ADD1: variants seen among roughly 807,000 people sequenced by gnomAD.
ADD1 encodes the protein alpha-adducin.
ADD1 carries 24 observed loss-of-function variants against 80.5 expected under a neutral mutation model. That is an observed-to-expected ratio of 0.30 (90% confidence interval 0.22 to 0.42). ADD1 has a LOEUF of 0.42. ADD1 is among the 10% of genes least tolerant of loss of function. The probability of loss-of-function intolerance (pLI) is 1.00; values close to 1 mark genes in which losing one functional copy is unlikely to be tolerated. For synonymous variants in ADD1, 373 were observed against 393.8 expected (o/e 0.95, Z 0.63); for missense variants, 948 against 1,019.0 (o/e 0.93, Z 0.95).
intron 9 of ADD1, 179 bp downstream of exon 9, chr4:2,899,614 G>A: frequency 1.4e-6 from 1 of 707,222 alleles, no homozygotes; most frequent in South Asian, 1.7e-5. Flanking sequence ...AAAATGTAGA[G>A]GTGAAGGATT....
chr4:2,844,785 G>A (rs1725922871), intron 1 of ADD1: 1 of 152,210 alleles, frequency 6.6e-6, no homozygotes, highest in African/African-American at 2.4e-5. Context: ...AAAAGCAATT[G>A]TCATATCTCC....
At chr4:2,922,586 G>A (rs1228159174) in intron 14 of ADD1, among the ~76,000 whole-genome samples, 3 of 152,226 alleles carry the variant, frequency 2.0e-5, no homozygotes, top group Admixed American at 2.0e-4. Context: ...CCCCTGCCGG[G>A]AGGTGTCTCC....
At chr4:2,868,879 A>G (rs1222001606) in intron 1 of ADD1, among the ~76,000 whole-genome samples, 1 of 152,168 alleles carries the variant, frequency 6.6e-6, no homozygotes, top group Admixed American at 6.5e-5. Flanking sequence ...CGAGTTGGAT[A>G]TTGAGAATGA....
intron 8 of ADD1, 78 bp from the exon 9 acceptor site, chr4:2,899,181 C>A (rs1325547295): frequency 6.9e-7 from 1 of 1,438,852 alleles, no homozygotes; most frequent in East Asian, 2.3e-5. Context: ...CTTTTGAAAC[C>A]TACATTTTTA....
rs953850915 is a variant in ADD1, at chr4:2,907,570, A to C, written c.1507-173A>C. ...CATTAACTGGTCTTTATGTGGCTGC[A>C]TCCTGCTCCCATGGCGACTCTGCTG... is the stretch of plus-strand genomic sequence containing the variant. On this transcript the variant is annotated intron_variant, in intron 10 of 15. Transcript: ENST00000683351. 5.0e-6 allele frequency: 3 copies of C among 595,752 alleles called. No individual in the cohort carries two copies. The East Asian group carries it at 8.7e-5, about 17-fold the overall frequency. The allele number at this position is 595,752 out of a possible 1,614,324, so 36.9% of individuals were successfully genotyped here. A position where few individuals can be genotyped will look rare whatever the true frequency, so the allele number is the denominator to read the frequency against.
Position 2,905,040 on chromosome 4 carries a change from C to G in ADD1, c.1438C>G (p.His480Asp). ...GGTGTGGACGAACATTACACACGATCACGTGAAACCCTTGCTGCAGTCTCT... is the reference window on the plus strand; with the variant it reads ...GGTGTGGACGAACATTACACACGATGACGTGAAACCCTTGCTGCAGTCTCT... ...TKVWTNITHD[H>D]VKPLLQSLSS... Residue 480 changes from histidine to aspartate, a missense_variant, in exon 10 of 16, where the codon CAC (histidine) becomes GAC (aspartate). Transcript: ENST00000683351. The G allele has an allele frequency of 6.2e-7, 1 of 1,614,206 alleles. No homozygotes were observed. The highest frequency in any genetic ancestry group is 1.3e-5 in the African/African-American group (1 of 75,044).
intron 1 of ADD1, among the ~76,000 whole-genome samples, chr4:2,871,492 T>G (rs1321035951): frequency 4.6e-5 from 7 of 152,232 alleles, no homozygotes; most frequent in Admixed American, 4.6e-4. Context: ...TAGCTGTTCA[T>G]CCTGATCTTA....
At chr4:2,913,033 A>T (rs1266533313) in intron 13 of ADD1, among the ~76,000 whole-genome samples, 1 of 151,874 alleles carries the variant, frequency 6.6e-6, no homozygotes, top group African/African-American at 2.4e-5. Context: ...TTTTTAGTAG[A>T]GACAGGTTTT....
intron 1 of ADD1, among the ~76,000 whole-genome samples, chr4:2,869,198 A>T (rs1483586775): frequency 6.6e-6 from 1 of 152,162 alleles, no homozygotes; most frequent in African/African-American, 2.4e-5. Flanking sequence ...CCAGGGGCTT[A>T]AACAACAGTA....
chr4:2,905,192 C>A (rs927451015), intron 10 of ADD1, 84 bp downstream of exon 10: 2 of 1,328,448 alleles, frequency 1.5e-6, no homozygotes, highest in Admixed American at 1.9e-5. Context: ...GGAATCCAGC[C>A]TTTCTGACCC....
chr4:2,875,994 C>A lies in ADD1; in HGVS notation c.79C>A (p.Arg27=). Residue 27 remains arginine, a synonymous_variant, in exon 2 of 16, where the codon CGA becomes AGA. Transcript: ENST00000683351. ...CCCTCACAAGGAGAGGTACTTCGAC[C>A]GAGTAGATGAGAACAACCCAGAGTA... The part of the protein sequence containing the change: ...TAPHKERYFD[R]VDENNPEYLR... The A allele has an allele frequency of 6.2e-7, 1 of 1,613,886 alleles. No individual in the cohort carries two copies. Among genetic ancestry groups the A allele is most frequent in the South Asian group, 1.1e-5 (1 of 91,030 alleles).
chr4:2,865,721 A>G (rs1729448188), intron 1 of ADD1, among the ~76,000 whole-genome samples: 1 of 152,180 alleles, frequency 6.6e-6, no homozygotes, highest in East Asian at 1.9e-4. Flanking sequence ...CTCAAACCTT[A>G]CTTAGCAAAC....
In ADD1 at chr4:2,905,040, C is replaced by T; in HGVS notation, c.1438C>T (p.His480Tyr). The T allele has an allele frequency of 6.2e-7, 1 of 1,614,206 alleles. No individual in the cohort carries two copies. The highest frequency in any genetic ancestry group is 8.5e-7 in the Non-Finnish European group (1 of 1,180,042). The change falls in exon 10 of 16, where the codon CAC (histidine) becomes TAC (tyrosine). Residue 480 changes from histidine (H) to tyrosine (Y), a missense_variant. By Grantham distance (83) the His-to-Tyr change is moderately conservative. Transcript: ENST00000683351. ...TKVWTNITHD[H>Y]VKPLLQSLSS... Reference sequence around the variant, plus strand: ...GGTGTGGACGAACATTACACACGATCACGTGAAACCCTTGCTGCAGTCTCT... The same window carrying T: ...GGTGTGGACGAACATTACACACGATTACGTGAAACCCTTGCTGCAGTCTCT...
intron 6 of ADD1, among the ~76,000 whole-genome samples, chr4:2,896,089 G>C (rs1011992738): frequency 6.6e-6 from 1 of 151,668 alleles, no homozygotes; most frequent in Non-Finnish European, 1.5e-5. Context: ...GGGTTTCACC[G>C]TGTTAGCCAG....
chr4:2,883,733 G>A (rs1188012161), intron 3 of ADD1, among the ~76,000 whole-genome samples: 3 of 151,496 alleles, frequency 2.0e-5, no homozygotes, highest in Admixed American at 2.0e-4. Context: ...GTGCAGTGGC[G>A]TGATCTTGGC....
chr4:2,898,814 T>C (rs1735688553), intron 8 of ADD1: 6 of 449,382 alleles, frequency 1.3e-5, no homozygotes. Flanking sequence ...ATCAGGTGCT[T>C]AGTGTGTGTC....
In ADD1 at chr4:2,928,328, C is replaced by T. The variant is rs1050125164; in HGVS notation, c.2205C>T (p.Ala735=). 7 of 1,613,840 alleles carry T rather than the reference C, an allele frequency of 4.3e-6. No homozygotes were observed. The highest frequency in any genetic ancestry group is 5.9e-6 in the Non-Finnish European group (7 of 1,179,972). The change falls in exon 16 of 16, where the codon GCC becomes GCT. Residue 735 remains alanine (A), a synonymous_variant. Coordinates refer to ENST00000683351, the MANE Select transcript of ADD1 (RefSeq NM_001354761.2). ...ATAGACCCCCAAGCCCCACTGAGGC[C>T]CCTACTGAGGCCAGCCCCGAGCCAG... The part of the protein sequence containing the change: ...EAHRPPSPTE[A]PTEASPEPAP...
chr4:2,854,161 A>C (rs1020338481), intron 1 of ADD1, among the ~76,000 whole-genome samples: 1 of 151,980 alleles, frequency 6.6e-6, no homozygotes, highest in African/African-American at 2.4e-5. Flanking sequence ...ATCTGTACTA[A>C]AAATACAACA....
intron 2 of ADD1, among the ~76,000 whole-genome samples, chr4:2,880,015 C>T (rs556373140): frequency 6.6e-6 from 1 of 152,316 alleles, no homozygotes; most frequent in South Asian, 2.1e-4. Flanking sequence ...TGCGCCTGCC[C>T]TATCTTTATT....
Sources: gnomAD v4.1 joint callset for allele counts (sites outside exome capture counted in the v4.1 genomes callset) on GRCh38, gnomAD v4.1.1 for gene constraint, MANE v1.5 for transcripts, NCBI Gene and HGNC (gene_info 2026-07-23, HGNC 2026-07-21) for gene names.